TOPBP1: variants seen among roughly 807,000 people sequenced by gnomAD.
The protein encoded by TOPBP1 is DNA topoisomerase II binding protein 1, also known as DNA topoisomerase 2-binding protein 1.
In TOPBP1, 28 loss-of-function variants were observed where a neutral mutation model predicts 167.7. The ratio of observed to expected loss-of-function variants is 0.17; its 90% CI spans 0.12 to 0.23. TOPBP1 has a LOEUF of 0.23. Among genes scored for constraint, TOPBP1 ranks in the 10% least tolerant of loss-of-function variants. TOPBP1 has a pLI of 1.00. For synonymous variants in TOPBP1, 598 were observed against 611.4 expected (o/e 0.98, Z 0.32); for missense variants, 1,554 against 1,809.6 (o/e 0.86, Z 2.56).
In TOPBP1 at chr3:133,638,786, T is replaced by C. The variant is rs1266152215; in HGVS notation, c.2234-624A>G. ...CTTCCACCTATGCCTTCCACCTTTT[T>C]TCAACATTTAACAAAAAACCTTATT... is the stretch of plus-strand genomic sequence containing the variant. On this transcript the variant is annotated intron_variant, in intron 13 of 27. Transcript: ENST00000260810. Among the ~76,000 whole-genome samples the C allele has an allele frequency of 1.7e-4, 26 of 152,166 alleles. 1 individual carries two copies.
chr3:133,647,823 G>C (rs1936132881), intron 10 of TOPBP1, among the ~76,000 whole-genome samples: 1 of 152,136 alleles, frequency 6.6e-6, no homozygotes, highest in Non-Finnish European at 1.5e-5. Context: ...AAAAAAATCT[G>C]AAGGAATTAC....
chr3:133,641,447 C>G (rs532009800), intron 12 of TOPBP1, among the ~76,000 whole-genome samples: 6 of 152,314 alleles, frequency 3.9e-5, no homozygotes, highest in African/African-American at 1.4e-4. Flanking sequence ...CTCACTGCAG[C>G]CTTGACCTCC....
chr3:133,648,232 C>A (rs975607420), intron 10 of TOPBP1, among the ~76,000 whole-genome samples: 13 of 151,922 alleles, frequency 8.6e-5, no homozygotes, highest in African/African-American at 2.7e-4. Context: ...TATACCCAGC[C>A]GAAGAGTCTT....
chr3:133,608,134 A>G (rs1442036307), intron 27 of TOPBP1, among the ~76,000 whole-genome samples: 1 of 152,152 alleles, frequency 6.6e-6, no homozygotes, highest in Non-Finnish European at 1.5e-5. Context: ...CATATAGCAA[A>G]TGCTTAAATT....
intron 23 of TOPBP1, 29 bp from the exon 24 acceptor site, chr3:133,612,581 T>C (rs763327286): frequency 1.3e-6 from 2 of 1,563,460 alleles, no homozygotes; most frequent in African/African-American, 2.7e-5. Context: ...GATTGTACTT[T>C]ATTGATTCCC....
chr3:133,623,476 C>A lies in TOPBP1; in HGVS notation c.2929-19G>T. ...GGGCACACTGCAATACAATGGTGTG[C>A]TTTAAGACAGGACTGACAAAATCTT... On this transcript the variant is annotated intron_variant, in intron 17 of 27. Transcript: ENST00000260810. 6.3e-7 allele frequency: 1 copy of A among 1,591,686 alleles called. No individual in the cohort carries two copies. Among genetic ancestry groups the A allele is most frequent in the Non-Finnish European group, 8.6e-7 (1 of 1,166,096 alleles).
At position 133,652,647 on chromosome 3, in the gene TOPBP1, G is replaced by T; in HGVS notation, c.923-18C>A. 1 of 1,574,044 alleles carries T rather than the reference G, an allele frequency of 6.4e-7. No homozygotes were observed. Among genetic ancestry groups the T allele is most frequent in the South Asian group, 1.2e-5 (1 of 85,806 alleles). ...AGTACGACCTACATATTTTGAAAACGTATAAATTTATGGGAGATAAAATAA... is the reference window on the plus strand; with the variant it reads ...AGTACGACCTACATATTTTGAAAACTTATAAATTTATGGGAGATAAAATAA... On this transcript the variant is annotated intron_variant, in intron 7 of 27. Coordinates refer to ENST00000260810, the MANE Select transcript of TOPBP1 (RefSeq NM_007027.4).
chr3:133,642,740 A>ATTTG (rs1486522926), intron 12 of TOPBP1, among the ~76,000 whole-genome samples: 3 of 152,082 alleles, frequency 2.0e-5, no homozygotes, highest in Non-Finnish European at 4.4e-5. Flanking sequence ...TTATTTATTT[A>ATTTG]TTTGTTTGTT....
At chr3:133,640,860 C>T (rs1935870124) in intron 12 of TOPBP1, among the ~76,000 whole-genome samples, 1 of 152,098 alleles carries the variant, frequency 6.6e-6, no homozygotes, top group Non-Finnish European at 1.5e-5. Flanking sequence ...TACATATTAT[C>T]TCATTTGATC....
chr3:133,660,350 C>A, intron 2 of TOPBP1, among the ~76,000 whole-genome samples: 1 of 152,158 alleles, frequency 6.6e-6, no homozygotes, highest in Non-Finnish European at 1.5e-5. Flanking sequence ...TGTCCTCCTG[C>A]TAGAATGTAA....
chr3:133,608,954 A>G lies in TOPBP1; in HGVS notation c.4182T>C (p.Phe1394=), dbSNP rs765136447. 1.7e-5 allele frequency: 27 copies of G among 1,610,682 alleles called. No individual in the cohort carries two copies. The highest frequency in any genetic ancestry group is 2.2e-5 in the Non-Finnish European group (26 of 1,178,862). The change falls in exon 26 of 28, where the codon TTT becomes TTC. Residue 1394 remains phenylalanine (F), a synonymous_variant. Coordinates refer to ENST00000260810, the MANE Select transcript of TOPBP1 (RefSeq NM_007027.4). ...RQESGIVEGA[F]SGWKVILHVD... is the part of the protein sequence containing the mutation. ...CATGTAAAATAACCTTCCACCCACT[A>G]AATGCTCCCTACAAATAAAAAACAA...
chr3:133,656,796 G>A lies in TOPBP1; in HGVS notation c.425C>T (p.Ser142Leu). 6.2e-7 allele frequency: 1 copy of A among 1,612,648 alleles called. No homozygotes were observed. Among genetic ancestry groups the A allele is most frequent in the Non-Finnish European group, 8.5e-7 (1 of 1,179,440 alleles). ...GGRVYRDLNV[S>L]VTHLIAGEVG... ...TTCTCCTGCAATAAGGTGAGTTACT[G>A]ATACATTAAGGTCTCTGTATACTCG... Residue 142 changes from serine to leucine, a missense_variant, in exon 5 of 28, where the codon TCA (serine) becomes TTA (leucine). Ser to Leu is a moderately radical substitution (Grantham distance 145). Coordinates refer to ENST00000260810, the MANE Select transcript of TOPBP1 (RefSeq NM_007027.4).
At chr3:133,633,072 T>C (rs1485390441) in intron 14 of TOPBP1, among the ~76,000 whole-genome samples, 1 of 152,170 alleles carries the variant, frequency 6.6e-6, no homozygotes, top group Non-Finnish European at 1.5e-5. Context: ...TGAGCCTGGC[T>C]ATTTCTTCCA....
intron 6 of TOPBP1, among the ~76,000 whole-genome samples, chr3:133,654,945 C>G (rs1936426613): frequency 6.6e-6 from 1 of 152,158 alleles, no homozygotes; most frequent in South Asian, 2.1e-4. Flanking sequence ...CACGGTGGCT[C>G]ATGCCTGTAA....
intron 24 of TOPBP1, among the ~76,000 whole-genome samples, chr3:133,611,704 A>G (rs113275323): frequency 6.6e-6 from 1 of 152,194 alleles, no homozygotes; most frequent in Non-Finnish European, 1.5e-5. Flanking sequence ...CTAACTGGCC[A>G]TATTTGGTTA....
At chr3:133,657,971 TAAG>T (rs1300485806) in intron 3 of TOPBP1, 30 bp from the exon 4 acceptor site, 5 of 1,496,608 alleles carry the variant, frequency 3.3e-6, no homozygotes, top group African/African-American at 2.9e-5. Flanking sequence ...TTAAATGAGT[TAAG>T]AAGGAAAAGA....
At position 133,661,750 on chromosome 3, in the gene TOPBP1, C is replaced by T. The variant is rs1936727549; in HGVS notation, c.-8+19G>A. On this transcript the variant is annotated intron_variant, in intron 1 of 27. Coordinates refer to ENST00000260810, the MANE Select transcript of TOPBP1 (RefSeq NM_007027.4). ...TGGGGCTGGGGAGGAGCTGTGTCCC[C>T]ACTCCGCGCCTCACTTACCTCGTTG... 6.5e-6 allele frequency: 1 copy of T among 152,698 alleles called. No individual in the cohort carries two copies. Among genetic ancestry groups the T allele is most frequent in the Non-Finnish European group, 1.5e-5 (1 of 68,084 alleles). The allele number at this position is 152,698 out of a possible 1,614,324, so 9.5% of individuals were successfully genotyped here.
chr3:133,612,668 AC>A (rs1257208710), intron 23 of TOPBP1, 116 bp from the exon 24 acceptor site: 2 of 902,474 alleles, frequency 2.2e-6, no homozygotes, highest in Non-Finnish European at 3.1e-6. Context: ...AACCATTTAA[AC>A]CAAAAAAACT....
intron 16 of TOPBP1, among the ~76,000 whole-genome samples, chr3:133,625,896 T>C (rs999003980): frequency 2.6e-5 from 4 of 152,342 alleles, no homozygotes; most frequent in African/African-American, 9.6e-5. Context: ...CCTTTCTGCG[T>C]AGTGGTATAT....
Sources: allele counts gnomAD v4.1 joint callset (sites outside exome capture counted in the v4.1 genomes callset), GRCh38; gene constraint gnomAD v4.1.1; transcripts MANE v1.5; gene names NCBI Gene and HGNC (gene_info 2026-07-23, HGNC 2026-07-21).